CCDC69: variants seen among roughly 807,000 people sequenced by gnomAD.
CCDC69 encodes coiled-coil domain containing 69.
CCDC69 carries 38 observed loss-of-function variants against 40.3 expected under a neutral mutation model. The observed-to-expected ratio is 0.94, with a 90% confidence interval of 0.73 to 1.24. The LOEUF (loss-of-function observed/expected upper bound fraction) is 1.24. Ranked by LOEUF, CCDC69 falls within the 50% of genes most tolerant of loss-of-function variation. The probability of loss-of-function intolerance (pLI) is 0.00; values close to 1 mark genes in which losing one functional copy is unlikely to be tolerated. For synonymous variants in CCDC69, 141 were observed against 138.9 expected, an observed-to-expected ratio of 1.02 and a Z score of -0.11; for missense variants, 389 against 357.9, an observed-to-expected ratio of 1.09 and a Z score of -0.70.
chr5:151,205,565 A>C (rs910194463), intron 1 of CCDC69, 90 bp from the exon 2 acceptor site: 1 of 1,078,232 alleles, frequency 9.3e-7, no homozygotes, highest in Admixed American at 2.0e-5. Flanking sequence ...TTCCAAAGGC[A>C]AGGCAGGACC....
intron 4 of CCDC69, among the ~76,000 whole-genome samples, chr5:151,188,450 C>T (rs867434019): frequency 6.8e-4 from 104 of 152,060 alleles, no homozygotes; most frequent in African/African-American, 2.5e-3. Flanking sequence ...ACTAAAAATA[C>T]AAAAATTAGC....
intron 1 of CCDC69, among the ~76,000 whole-genome samples, chr5:151,222,856 G>T (rs372677129): frequency 2.4e-4 from 37 of 152,332 alleles, no homozygotes; most frequent in African/African-American, 8.9e-4. Flanking sequence ...AGAGAAGGGA[G>T]TAGAATCCTC....
chr5:151,185,956 C>T lies in CCDC69; in HGVS notation c.495+67G>A, dbSNP rs1439949413. 5 of 1,062,098 alleles carry T rather than the reference C, an allele frequency of 4.7e-6. No individual in the cohort carries two copies. In the Admixed American group the frequency reaches 5.1e-5, roughly 11 times the overall value. 65.8% of individuals were successfully genotyped at this position (1,062,098 alleles called of 1,614,324 possible). Reference sequence around the variant, plus strand: ...TGTCCTTGAAGAGGGGCTGGTCTTTCCTGTTGCCCGGCCCTGACCTCCCTG... The same window carrying T: ...TGTCCTTGAAGAGGGGCTGGTCTTTTCTGTTGCCCGGCCCTGACCTCCCTG... On this transcript the variant is annotated intron_variant, in intron 6 of 8. Transcript: ENST00000355417.
At chr5:151,220,444 T>C (rs1468147993) in intron 1 of CCDC69, among the ~76,000 whole-genome samples, 1 of 152,212 alleles carries the variant, frequency 6.6e-6, no homozygotes, top group Non-Finnish European at 1.5e-5. Flanking sequence ...CAGAGCCCGG[T>C]GTGGTCGACC....
At chr5:151,197,967 C>T (rs1382120277) in intron 4 of CCDC69, among the ~76,000 whole-genome samples, 2 of 152,124 alleles carry the variant, frequency 1.3e-5, no homozygotes, top group African/African-American at 4.8e-5. Flanking sequence ...TTCACTTCCT[C>T]ACCCCAAAGT....
chr5:151,188,297 G>A lies in CCDC69; in HGVS notation c.320-838C>T, dbSNP rs184912035. ...ATACAGCCAAAGAGCCAGGTATCTG[G>A]CAGTGATGAAAAAAATAATGTTCAA... On this transcript the variant is annotated intron_variant, in intron 4 of 8. Coordinates refer to ENST00000355417, the MANE Select transcript of CCDC69 (RefSeq NM_015621.3). Among the ~76,000 whole-genome samples, 16 of 152,242 alleles carry A rather than the reference G, an allele frequency of 1.1e-4. No homozygotes were observed. The East Asian group carries it at 2.5e-3, about 24-fold the overall frequency.
intron 1 of CCDC69, among the ~76,000 whole-genome samples, chr5:151,218,288 G>A (rs1321718669): frequency 1.3e-5 from 2 of 152,208 alleles, no homozygotes; most frequent in African/African-American, 2.4e-5. Context: ...TGGGACAGCA[G>A]GAGCTCCCTC....
chr5:151,184,229 A>G, intron 8 of CCDC69, 115 bp downstream of exon 8: 2 of 745,312 alleles, frequency 2.7e-6, no homozygotes, highest in Non-Finnish European at 2.3e-6. Flanking sequence ...CATTCCCTAA[A>G]TAGGCCCTGG....
At chr5:151,186,397 G>T (rs1249490596) in intron 5 of CCDC69, among the ~76,000 whole-genome samples, 1 of 131,202 alleles carries the variant, frequency 7.6e-6, no homozygotes, top group Admixed American at 7.8e-5. Context: ...ACGGGAGGGG[G>T]AGGGAGATAG....
At chr5:151,202,039 C>T (rs143674648) in intron 2 of CCDC69, among the ~76,000 whole-genome samples, 3 of 152,092 alleles carry the variant, frequency 2.0e-5, no homozygotes, top group Middle Eastern at 3.4e-3. Context: ...CTCTGGTCTC[C>T]CTGTTCTACC....
chr5:151,188,478 G>A (rs1752558833), intron 4 of CCDC69, among the ~76,000 whole-genome samples: 1 of 151,950 alleles, frequency 6.6e-6, no homozygotes, highest in African/African-American at 2.4e-5. Flanking sequence ...GGTGGTGCAA[G>A]CCTGTAGTCC....
chr5:151,202,226 T>A (rs916581149), intron 2 of CCDC69, among the ~76,000 whole-genome samples: 1 of 146,388 alleles, frequency 6.8e-6, no homozygotes, highest in Non-Finnish European at 1.5e-5. Context: ...CTGGGCATGA[T>A]GGCATGCACC....
chr5:151,216,708 G>T (rs576462483), intron 1 of CCDC69, among the ~76,000 whole-genome samples: 1 of 152,254 alleles, frequency 6.6e-6, no homozygotes, highest in East Asian at 1.9e-4. Flanking sequence ...GAGCCACCAC[G>T]CCTGGCCAAT....
At chr5:151,199,105 G>T (rs772527614) in intron 3 of CCDC69, 21 bp from the exon 4 acceptor site, 6 of 1,594,230 alleles carry the variant, frequency 3.8e-6, no homozygotes, top group Non-Finnish European at 5.2e-6. Context: ...AGAGTCCCGG[G>T]CAGGACTGAG....
chr5:151,213,461 C>G (rs1245950369), intron 1 of CCDC69, among the ~76,000 whole-genome samples: 1 of 151,338 alleles, frequency 6.6e-6, no homozygotes, highest in Non-Finnish European at 1.5e-5. Flanking sequence ...ACCATGTTAG[C>G]CAGGATGGTC....
rs1448670118 is a variant in CCDC69 at position 151,212,974 on chromosome 5, C to G, written c.49-7499G>C. 2.0e-5 allele frequency: 9 copies of G among 441,068 alleles called. No individual in the cohort carries two copies. In the East Asian group the frequency reaches 6.3e-4, roughly 31 times the overall value. 27.3% of individuals were successfully genotyped at this position (441,068 alleles called of 1,614,324 possible). On this transcript the variant is annotated intron_variant, in intron 1 of 8. Coordinates refer to ENST00000355417, the MANE Select transcript of CCDC69 (RefSeq NM_015621.3). ...AGCATGCAAGAAGAGGTTGGAGAGT[C>G]AAACTTCATGCTGTAGATTGGACTG...
Position 151,223,949 on chromosome 5 carries a change from G to A in CCDC69, c.22C>T (p.Leu8=). Residue 8 remains leucine, a synonymous_variant, in exon 1 of 9, where the codon CTG becomes TTG. Transcript: ENST00000355417. MGCRHSR[L]SSCKPPKKKR... Reference sequence around the variant, plus strand: ...TTTTTCGGGGGTTTGCAGCTGCTCAGCCTGCTGTGTCTGCAGCCCATCCTC... The same window carrying A: ...TTTTTCGGGGGTTTGCAGCTGCTCAACCTGCTGTGTCTGCAGCCCATCCTC... 1 of 1,576,568 alleles carries A rather than the reference G, an allele frequency of 6.3e-7. No individual in the cohort carries two copies. The highest frequency in any genetic ancestry group is 8.6e-7 in the Non-Finnish European group (1 of 1,164,714).
chr5:151,197,521 TCAAA>T (rs554718489), intron 4 of CCDC69, among the ~76,000 whole-genome samples: 10 of 151,918 alleles, frequency 6.6e-5, no homozygotes, highest in African/African-American at 2.2e-4. Flanking sequence ...AGACCCTGTC[TCAAA>T]CAAACAAACA....
chr5:151,206,325 C>A (rs1752852703), intron 1 of CCDC69, among the ~76,000 whole-genome samples: 1 of 152,154 alleles, frequency 6.6e-6, no homozygotes, highest in Admixed American at 6.5e-5. Context: ...TATGCGGAAG[C>A]TCTCCAAACC....
Sources: gnomAD v4.1 joint callset for allele counts (sites outside exome capture counted in the v4.1 genomes callset) on GRCh38, gnomAD v4.1.1 for gene constraint, MANE v1.5 for transcripts, NCBI Gene and HGNC (gene_info 2026-07-23, HGNC 2026-07-21) for gene names.